GPATCH2L: variants seen among roughly 807,000 people sequenced by gnomAD.
The protein encoded by GPATCH2L is G-patch domain containing 2 like, also known as G patch domain-containing protein 2-like.
GPATCH2L carries 31 observed loss-of-function variants against 57.4 expected under a neutral mutation model. The ratio of observed to expected loss-of-function variants is 0.54; its 90% confidence interval spans 0.41 to 0.73. The LOEUF is 0.73. Among genes scored for constraint, GPATCH2L ranks in the 30% least tolerant of loss-of-function variants. GPATCH2L has a pLI of 0.00. For synonymous variants in GPATCH2L, 199 were observed against 210.7 expected (o/e 0.94, Z 0.48); for missense variants, 481 against 599.9 (o/e 0.80, Z 2.07).
At chr14:76,193,310 C>G (rs2040042369) in intron 8 of GPATCH2L, among the ~76,000 whole-genome samples, 1 of 151,690 alleles carries the variant, frequency 6.6e-6, no homozygotes, top group Non-Finnish European at 1.5e-5. Flanking sequence ...TAATATGGGC[C>G]TTTTCCCATG....
At chr14:76,155,160 TC>T in intron 2 of GPATCH2L, 135 bp downstream of exon 2, 1 of 669,268 alleles carries the variant, frequency 1.5e-6, no homozygotes, top group Middle Eastern at 3.3e-4. Flanking sequence ...CTTGAATCAA[TC>T]AGTAGTTTAG....
chr14:76,164,376 G>C (rs1265017681), intron 2 of GPATCH2L, among the ~76,000 whole-genome samples: 1 of 152,112 alleles, frequency 6.6e-6, no homozygotes, highest in Non-Finnish European at 1.5e-5. Context: ...AATATCAGTA[G>C]TTCACCAACT....
intron 9 of GPATCH2L, chr14:76,196,228 G>C: frequency 1.6e-6 from 1 of 619,620 alleles, no homozygotes; most frequent in Non-Finnish European, 2.9e-6. Context: ...AGTCATCTGA[G>C]CTTTTGTTTT....
downstream of GPATCH2L, among the ~76,000 whole-genome samples, chr14:76,217,194 G>C (rs1048352660): frequency 6.6e-6 from 1 of 152,162 alleles, no homozygotes; most frequent in South Asian, 2.1e-4. Context: ...ACTGCTGCAA[G>C]CTAAGAACGG....
chr14:76,230,560 T>A (rs2040556451), intron 2 of GPATCH2L: 1 of 151,692 alleles, frequency 6.6e-6, no homozygotes, highest in South Asian at 2.1e-4. Context: ...CCAACCGTAC[T>A]TGTTTGTTGG....
chr14:76,170,345 A>G (rs1405935236), intron 3 of GPATCH2L, among the ~76,000 whole-genome samples: 2 of 152,116 alleles, frequency 1.3e-5, no homozygotes, highest in African/African-American at 4.8e-5. Context: ...CAATTTTGCT[A>G]TTTTGCAAGG....
At chr14:76,152,439 A>C in intron 1 of GPATCH2L, 1 of 289,172 alleles carries the variant, frequency 3.5e-6, no homozygotes. Flanking sequence ...GCCCCTCGTG[A>C]GCCCAAATGA....
chr14:76,227,085 C>T (rs552911157), intron 1 of GPATCH2L, among the ~76,000 whole-genome samples: 27 of 152,258 alleles, frequency 1.8e-4, no homozygotes, highest in Non-Finnish European at 2.9e-4. Flanking sequence ...AGGGTGCCTC[C>T]CTCCTGGACT....
In GPATCH2L at chr14:76,173,622, GA is replaced by G; in HGVS notation, c.983del (p.Lys328ArgfsTer5). The G allele has an allele frequency of 6.3e-7, 1 of 1,592,830 alleles. No homozygotes were observed. Among genetic ancestry groups the G allele is most frequent in the Non-Finnish European group, 8.6e-7 (1 of 1,160,460 alleles). On this transcript the variant is annotated frameshift_variant and splice_region_variant, in exon 5 of 10. Coordinates refer to ENST00000261530, the MANE Select transcript of GPATCH2L (RefSeq NM_017926.4). LOFTEE classifies it high-confidence loss of function. ...LRKGRRRLVG[K>X]ETSINTLGTE... ...GAAAGGGGCGAAGAAGGCTGGTTGG[GA>G]AGGTGATACCTCTCACAGTTAGCTT...
Position 76,205,396 on chromosome 14 carries a change from G to A in GPATCH2L, c.*3545G>A, listed in dbSNP as rs1158191935. The A allele has an allele frequency of 6.6e-6, 1 of 152,192 alleles. No homozygotes were observed. The highest frequency in any genetic ancestry group is 1.5e-5 in the Non-Finnish European group (1 of 68,036). 9.4% of individuals were successfully genotyped at this position (152,192 alleles called of 1,614,324 possible). ...GTGGTTGGAAAATAGGCCACATTTA[G>A]CCTTGAATTGTTTAGAAATCAAATG... On this transcript the variant is annotated 3_prime_UTR_variant, in exon 10 of 10. Coordinates refer to ENST00000261530, the MANE Select transcript of GPATCH2L (RefSeq NM_017926.4).
At chr14:76,178,173 G>A (rs773746424) in intron 7 of GPATCH2L, 131 bp downstream of exon 7, 28 of 1,335,188 alleles carry the variant, frequency 2.1e-5, no homozygotes, top group Non-Finnish European at 2.9e-5. Context: ...GTTTCTTGTA[G>A]CATATATTTC....
chr14:76,180,804 C>A lies in GPATCH2L; in HGVS notation c.1148C>A (p.Ala383Asp). ...LSPLYSLDVL[A>D]DASHRRCSPA... ...CCCCTTTACTCCCTGGATGTTCTTGCCGATGCTTCTCACCGAAGGTGTTCA... is the reference window on the plus strand; with the variant it reads ...CCCCTTTACTCCCTGGATGTTCTTGACGATGCTTCTCACCGAAGGTGTTCA... The change falls in exon 8 of 10, where the codon GCC becomes GAC. Residue 383 changes from alanine (A) to aspartate (D), a missense_variant. Around this residue, in one of 3 missense-constraint regions of GPATCH2L, gnomAD observed 248 missense variants for 270.5 expected, o/e 0.92. Transcript: ENST00000261530. 4.3e-6 allele frequency: 7 copies of A among 1,613,398 alleles called. No homozygotes were observed. The highest frequency in any genetic ancestry group is 5.9e-6 in the Non-Finnish European group (7 of 1,179,292).
At chr14:76,228,037 C>T (rs1442440949) in intron 1 of GPATCH2L, among the ~76,000 whole-genome samples, 2 of 152,224 alleles carry the variant, frequency 1.3e-5, no homozygotes, top group Admixed American at 6.5e-5. Context: ...TTTCCAGAAG[C>T]AACACTGCGA....
intron 5 of GPATCH2L, 42 bp downstream of exon 5, chr14:76,173,667 T>C (rs371327893): frequency 8.4e-7 from 1 of 1,195,102 alleles, no homozygotes; most frequent in Non-Finnish European, 1.3e-6. Context: ...GGGGAGATAA[T>C]ATTCCCTATG....
chr14:76,196,835 C>G (rs1440717558), intron 9 of GPATCH2L, among the ~76,000 whole-genome samples: 1 of 152,068 alleles, frequency 6.6e-6, no homozygotes, highest in African/African-American at 2.4e-5. Flanking sequence ...GGAGGGAGCC[C>G]TATCCTCTAC....
intron 8 of GPATCH2L, among the ~76,000 whole-genome samples, chr14:76,182,363 G>GAAAA (rs3059799): frequency 0.018 from 1,571 of 85,602 alleles, 70 homozygotes; most frequent in South Asian, 0.071. Context: ...TCTCAGAAAA[G>GAAAA]AAAAAAAAAA....
rs996715175 is a variant in GPATCH2L, at chr14:76,211,763, A to C, written c.*9912A>C. On this transcript the variant is annotated 3_prime_UTR_variant, in exon 10 of 10. Transcript: ENST00000261530. ...CAGGAAGTGCCCATGGGATAAAACC[A>C]ATCTGCTGGCTCACACTAAGTTCTG... 6.6e-6 allele frequency: 1 copy of C among 152,186 alleles called. No individual in the cohort carries two copies. The highest frequency in any genetic ancestry group is 1.5e-5 in the Non-Finnish European group (1 of 68,028). 9.4% of individuals were successfully genotyped at this position (152,186 alleles called of 1,614,324 possible).
chr14:76,171,842 G>C lies in GPATCH2L; in HGVS notation c.728-1G>C. ...CTTATGATATGATGTCTTTACTTTA[G>C]GTGATGACGAACAGAGTGATTGGTT... is the stretch of plus-strand genomic sequence containing the variant. On this transcript the variant is annotated splice_acceptor_variant, in intron 3 of 9. Coordinates refer to ENST00000261530, the MANE Select transcript of GPATCH2L (RefSeq NM_017926.4). LOFTEE classifies it high-confidence loss of function. The C allele has an allele frequency of 6.5e-7, 1 of 1,549,958 alleles. No individual in the cohort carries two copies. The highest frequency in any genetic ancestry group is 8.7e-7 in the Non-Finnish European group (1 of 1,146,456).
chr14:76,180,994 A>G (rs1156843470), intron 8 of GPATCH2L, 145 bp downstream of exon 8: 4 of 606,158 alleles, frequency 6.6e-6, no homozygotes, highest in Non-Finnish European at 1.2e-5. Context: ...TTACAGATGT[A>G]GAAACTGAGG....
Sources: gnomAD v4.1 joint callset for allele counts (sites outside exome capture counted in the v4.1 genomes callset) on GRCh38, gnomAD v4.1.1 for gene constraint, gnomAD v4.1.1 regional missense constraint, MANE v1.5 for transcripts, NCBI Gene and HGNC (gene_info 2026-07-23, HGNC 2026-07-21) for gene names.